The following ABTB2 variants were observed in gnomAD, a reference collection of about 807,000 sequenced individuals.
The protein encoded by ABTB2 is ankyrin repeat and BTB/POZ domain-containing protein 2.
A neutral mutation model predicts 104.1 loss-of-function variants in ABTB2; 56 were observed. That is an observed-to-expected ratio of 0.54 (90% CI 0.43 to 0.67). The LOEUF (loss-of-function observed/expected upper bound fraction) is 0.67, where lower values mean the gene tolerates loss of function less well. ABTB2 is among the 30% of genes least tolerant of loss of function. The pLI, the probability that ABTB2 is intolerant of heterozygous loss-of-function variation, is 0.00. For synonymous variants in ABTB2, 606 were observed against 608.2 expected (o/e 1.00, Z 0.05); for missense variants, 1,279 against 1,407.7 (o/e 0.91, Z 1.46).
intron 1 of ABTB2, among the ~76,000 whole-genome samples, chr11:34,354,734 T>C (rs985110536): frequency 6.6e-6 from 1 of 152,236 alleles, no homozygotes; most frequent in African/African-American, 2.4e-5. Flanking sequence ...TGGGCACCTG[T>C]TCTGCATGAA....
chr11:34,256,955 G>C (rs1321970989), intron 1 of ABTB2, among the ~76,000 whole-genome samples: 1 of 152,218 alleles, frequency 6.6e-6, no homozygotes, highest in African/African-American at 2.4e-5. Flanking sequence ...GCTCTGAACT[G>C]CTACCCAACC....
At chr11:34,291,641 G>A (rs554525712) in intron 1 of ABTB2, among the ~76,000 whole-genome samples, 9 of 151,990 alleles carry the variant, frequency 5.9e-5, no homozygotes, top group East Asian at 5.8e-4. Context: ...GATTACAGGC[G>A]TCTGCCACCA....
At chr11:34,205,359 G>A (rs1853396603) in intron 1 of ABTB2, among the ~76,000 whole-genome samples, 1 of 152,250 alleles carries the variant, frequency 6.6e-6, no homozygotes, top group Non-Finnish European at 1.5e-5. Flanking sequence ...CAGCAGTGGA[G>A]CAGAACTGTC....
chr11:34,350,223 T>A (rs1564938980), intron 1 of ABTB2, among the ~76,000 whole-genome samples: 1 of 151,920 alleles, frequency 6.6e-6, no homozygotes, highest in South Asian at 2.1e-4. Context: ...CCGGACACCA[T>A]GGGGGACTCG....
chr11:34,351,550 C>T (rs1160856352), intron 1 of ABTB2, among the ~76,000 whole-genome samples: 2 of 152,182 alleles, frequency 1.3e-5, no homozygotes, highest in Non-Finnish European at 2.9e-5. Context: ...AAAATGCTGA[C>T]TCTATTCATT....
chr11:34,356,963 C>T lies in ABTB2; in HGVS notation c.621G>A (p.Val207=). The T allele has an allele frequency of 6.3e-7, 1 of 1,597,508 alleles. No individual in the cohort carries two copies. Among genetic ancestry groups the T allele is most frequent in the Non-Finnish European group, 8.5e-7 (1 of 1,173,022 alleles). The change falls in exon 1 of 17, where the codon GTG becomes GTA. Residue 207 remains valine, a synonymous_variant. Transcript: ENST00000435224. The surrounding 1 kb of genome is among the most constrained non-coding windows in gnomAD (Gnocchi z 4.6). ...KSARCGLTFS[V]GRFFRWMVDT... is the part of the protein sequence containing the mutation. ...CCACCATCCAGCGGAAAAAGCGACCCACTGAGAAGGTGAGGCCGCAGCGCG... is the reference window on the plus strand; with the variant it reads ...CCACCATCCAGCGGAAAAAGCGACCTACTGAGAAGGTGAGGCCGCAGCGCG...
chr11:34,176,513 A>G (rs536743399), intron 3 of ABTB2, among the ~76,000 whole-genome samples: 29 of 152,184 alleles, frequency 1.9e-4, no homozygotes, highest in Admixed American at 1.3e-4. Context: ...CTGCTGGCAC[A>G]CGCCTGTAGT....
intron 9 of ABTB2, among the ~76,000 whole-genome samples, chr11:34,163,907 G>T (rs1267865417): frequency 1.3e-5 from 2 of 152,060 alleles, no homozygotes; most frequent in Admixed American, 1.3e-4. Flanking sequence ...ACTGGGTGGG[G>T]TGGAGCGGCC....
At chr11:34,172,774 A>G (rs1186871997) in intron 4 of ABTB2, among the ~76,000 whole-genome samples, 1 of 152,206 alleles carries the variant, frequency 6.6e-6, no homozygotes, top group Non-Finnish European at 1.5e-5. Flanking sequence ...AAGGGCTCAC[A>G]GCACCTGCAC....
At chr11:34,343,456 CAG>C (rs199798395) in intron 1 of ABTB2, among the ~76,000 whole-genome samples, 30,769 of 121,772 alleles carry the variant, frequency 0.25, 3,212 homozygotes, top group African/African-American at 0.34. Flanking sequence ...GACAGACAGA[CAG>C]ACACACACAC....
chr11:34,276,649 A>G (rs1008662512), intron 1 of ABTB2, among the ~76,000 whole-genome samples: 2 of 152,212 alleles, frequency 1.3e-5, no homozygotes, highest in African/African-American at 4.8e-5. Flanking sequence ...ACAATACTTG[A>G]CAAATCTCAA....
chr11:34,183,041 C>T lies in ABTB2; in HGVS notation c.1245-9734G>A, dbSNP rs1444512789. 7.9e-5 allele frequency among the ~76,000 whole-genome samples: 12 copies of T among 152,168 alleles called. 1 individual carries two copies. Among genetic ancestry groups the T allele is most frequent in the African/African-American group, 2.2e-4 (9 of 41,436 alleles). On this transcript the variant is annotated intron_variant, in intron 3 of 16. Coordinates refer to ENST00000435224, the MANE Select transcript of ABTB2 (RefSeq NM_145804.3). ...TCTTCACCTGGTGCTGGCCCAACTC[C>T]TCCATCTTAGGGATGATGATATTAG...
At chr11:34,275,169 C>G (rs1360409928) in intron 1 of ABTB2, among the ~76,000 whole-genome samples, 1 of 152,206 alleles carries the variant, frequency 6.6e-6, no homozygotes, top group Admixed American at 6.5e-5. Flanking sequence ...ACATCAGATT[C>G]CATCATTTGT....
Position 34,335,176 on chromosome 11 carries a change from C to T in ABTB2, c.883+21525G>A. On this transcript the variant is annotated intron_variant, in intron 1 of 16. Coordinates refer to ENST00000435224, the MANE Select transcript of ABTB2 (RefSeq NM_145804.3). Reference sequence around the variant, plus strand: ...GGTGTTGCATTAGTGAAGATGCTTCCTACAACTACACGGGTACCCCAGAGA... The same window carrying T: ...GGTGTTGCATTAGTGAAGATGCTTCTTACAACTACACGGGTACCCCAGAGA... The T allele has an allele frequency of 8.6e-6, 11 of 1,272,416 alleles. No individual in the cohort carries two copies. In the South Asian group the frequency reaches 1.2e-4, roughly 14 times the overall value. The allele number at this position is 1,272,416 out of a possible 1,614,324, so 78.8% of individuals were successfully genotyped here. A position where few individuals can be genotyped will look rare whatever the true frequency, so the allele number is the denominator to read the frequency against.
At chr11:34,324,736 C>T (rs553692777) in intron 1 of ABTB2, among the ~76,000 whole-genome samples, 1 of 152,196 alleles carries the variant, frequency 6.6e-6, no homozygotes, top group Non-Finnish European at 1.5e-5. Flanking sequence ...GCTGGCTGTC[C>T]CTGTTCAGTT....
intron 9 of ABTB2, among the ~76,000 whole-genome samples, chr11:34,163,981 G>A (rs1361566003): frequency 6.6e-6 from 1 of 152,094 alleles, no homozygotes; most frequent in Non-Finnish European, 1.5e-5. Context: ...GTGAATGTGG[G>A]GGTGGGCTGG....
intron 1 of ABTB2, among the ~76,000 whole-genome samples, chr11:34,351,077 G>A (rs1271269396): frequency 1.3e-5 from 2 of 152,200 alleles, no homozygotes; most frequent in Non-Finnish European, 2.9e-5. Flanking sequence ...GTCGGACAAA[G>A]GATGAATACT....
intron 1 of ABTB2, among the ~76,000 whole-genome samples, chr11:34,289,308 T>A (rs1251016799): frequency 6.6e-6 from 1 of 152,202 alleles, no homozygotes; most frequent in Non-Finnish European, 1.5e-5. Context: ...CACAGCATTT[T>A]GCAATTAATT....
chr11:34,249,704 G>A (rs2133068174), intron 1 of ABTB2, among the ~76,000 whole-genome samples: 1 of 152,300 alleles, frequency 6.6e-6, no homozygotes, highest in East Asian at 1.9e-4. Context: ...GAGTGCCGTG[G>A]TGTAATCACA....
Sources: gnomAD v4.1 joint callset for allele counts (sites outside exome capture counted in the v4.1 genomes callset) on GRCh38, gnomAD v4.1.1 for gene constraint, Gnocchi (gnomAD v3.1) non-coding constraint, MANE v1.5 for transcripts, NCBI Gene and HGNC (gene_info 2026-07-23, HGNC 2026-07-21) for gene names.